The following HMGA2 variants were observed in gnomAD, a reference collection of about 807,000 sequenced individuals.
HMGA2 encodes the protein high mobility group protein HMGI-C.
A neutral mutation model predicts 19.1 loss-of-function variants in HMGA2; 8 were observed. The observed-to-expected ratio is 0.42, with a 90% CI of 0.25 to 0.76. The LOEUF is 0.76. HMGA2 is among the 30% of genes least tolerant of loss of function. The pLI, the probability that HMGA2 is intolerant of heterozygous loss-of-function variation, is 0.28. For synonymous variants in HMGA2, 60 were observed against 48.8 expected, an observed-to-expected ratio of 1.23 and a Z score of -0.96; for missense variants, 109 against 136.3, an observed-to-expected ratio of 0.80 and a Z score of 1.00.
intron 4 of HMGA2, chr12:65,956,097 G>A (rs1876597894): frequency 6.6e-6 from 1 of 152,136 alleles, no homozygotes; most frequent in Non-Finnish European, 1.5e-5. Context: ...TGGTACCTTG[G>A]CCAGTGCAGT....
intron 3 of HMGA2, among the ~76,000 whole-genome samples, chr12:65,849,014 G>T (rs974095112): frequency 9.2e-4 from 140 of 152,324 alleles, no homozygotes; most frequent in African/African-American, 3.0e-3. Context: ...TGTGCATGGA[G>T]GAACATGGAC....
chr12:65,837,470 A>G (rs563651610), intron 2 of HMGA2, among the ~76,000 whole-genome samples: 2 of 152,356 alleles, frequency 1.3e-5, no homozygotes, highest in East Asian at 3.9e-4. Flanking sequence ...TAACTCAGAT[A>G]ACAAAAGTAA....
At chr12:65,949,410 CGTATCCTAAGTGCT>C (rs1178565015) in intron 3 of HMGA2, among the ~76,000 whole-genome samples, 3 of 152,094 alleles carry the variant, frequency 2.0e-5, no homozygotes, top group Admixed American at 2.0e-4. Context: ...GAATAGTGAA[CGTATCCTAAGTGCT>C]GTTATTTGGG....
rs1713608394 is a variant in HMGA2 at position 65,922,898 on chromosome 12, C to G, written c.250-28485C>G. ...GGTTTTTCAGGAGTTTCCGCTTTTG[C>G]CTCTTCCTCATTTTCTCTTGCCACC... On this transcript the variant is annotated intron_variant, in intron 3 of 4. Transcript: ENST00000403681. Among the ~76,000 whole-genome samples, 3 of 152,236 alleles carry G rather than the reference C, an allele frequency of 2.0e-5. No individual in the cohort carries two copies. In the South Asian group the frequency reaches 6.2e-4, roughly 32 times the overall value.
intron 3 of HMGA2, among the ~76,000 whole-genome samples, chr12:65,928,598 AAC>A (rs1875599747): frequency 6.6e-6 from 1 of 152,198 alleles, no homozygotes; most frequent in Non-Finnish European, 1.5e-5. Flanking sequence ...TTAAAACACA[AAC>A]ACATTATGTA....
intron 4 of HMGA2, among the ~76,000 whole-genome samples, chr12:65,962,087 G>A (rs1876767810): frequency 6.6e-6 from 1 of 152,134 alleles, no homozygotes; most frequent in South Asian, 2.1e-4. Context: ...GTTTTAAGCT[G>A]GCCATTCTTA....
At chr12:65,947,939 C>T (rs890944901) in intron 3 of HMGA2, among the ~76,000 whole-genome samples, 3 of 152,034 alleles carry the variant, frequency 2.0e-5, no homozygotes, top group Non-Finnish European at 4.4e-5. Context: ...AAATCAAAGC[C>T]GGGAAGTACA....
intron 2 of HMGA2, 87 bp from the exon 3 acceptor site, chr12:65,838,432 C>T (rs953218578): frequency 3.3e-5 from 32 of 956,714 alleles, no homozygotes; most frequent in African/African-American, 8.4e-5. Flanking sequence ...CAAAGCAGAA[C>T]ATTCTTACTT....
At chr12:65,826,259 C>G (rs1870179782) in intron 1 of HMGA2, 1 of 152,340 alleles carries the variant, frequency 6.6e-6, no homozygotes, top group Non-Finnish European at 1.5e-5. Flanking sequence ...GAGGGGCGCC[C>G]GGGACCCTGC....
intron 3 of HMGA2, among the ~76,000 whole-genome samples, chr12:65,880,908 AAAGTTCCTT>A (rs1873340333): frequency 1.3e-5 from 2 of 152,334 alleles, no homozygotes; most frequent in South Asian, 4.1e-4. Context: ...AAAGATATGA[AAAGTTCCTT>A]GATATGACTG....
chr12:65,925,427 C>T (rs1875472719), intron 3 of HMGA2, among the ~76,000 whole-genome samples: 1 of 152,146 alleles, frequency 6.6e-6, no homozygotes, highest in Non-Finnish European at 1.5e-5. Flanking sequence ...ACCAAGTAAC[C>T]TGACTTGCAG....
chr12:65,914,742 T>C, intron 3 of HMGA2: 1 of 363,878 alleles, frequency 2.7e-6, no homozygotes, highest in Admixed American at 3.8e-5. Context: ...TGGTACAATC[T>C]CGGCTCATTG....
intron 2 of HMGA2, 103 bp from the exon 3 acceptor site, chr12:65,838,416 C>A (rs2120872122): frequency 2.5e-6 from 2 of 814,358 alleles, no homozygotes; most frequent in Non-Finnish European, 4.0e-6. Context: ...ACCGATACGT[C>A]ATCTGCAAAG....
rs74839016 is a variant in HMGA2 at position 65,864,715 on chromosome 12, T to C, written c.249+26146T>C. On this transcript the variant is annotated intron_variant, in intron 3 of 4. Coordinates refer to ENST00000403681, the MANE Select transcript of HMGA2 (RefSeq NM_003483.6). ...TAGTGTTTCCATTTAACACACATAG[T>C]AGCTTTTCTTCTGGATTGTATGTGC... is the stretch of plus-strand genomic sequence containing the variant. 1.9e-3 allele frequency among the ~76,000 whole-genome samples: 294 copies of C among 152,346 alleles called. 2 individuals are homozygous for C. Among genetic ancestry groups the C allele is most frequent in the African/African-American group, 6.9e-3 (289 of 41,588 alleles).
intron 4 of HMGA2, among the ~76,000 whole-genome samples, chr12:65,959,846 G>A (rs1195949161): frequency 1.3e-5 from 2 of 152,110 alleles, no homozygotes; most frequent in Non-Finnish European, 2.9e-5. Flanking sequence ...AACATGTCAA[G>A]GTAAAAGCTA....
Position 65,963,360 on chromosome 12 carries a change from G to C in HMGA2, c.*68G>C. On this transcript the variant is annotated 3_prime_UTR_variant, in exon 5 of 5. Coordinates refer to ENST00000403681, the MANE Select transcript of HMGA2 (RefSeq NM_003483.6). Reference sequence around the variant, plus strand: ...TTTTGAAGGGAGAAGACACTGCAGTGACCACTTATTCTGTATTGCCATGGT... The same window carrying C: ...TTTTGAAGGGAGAAGACACTGCAGTCACCACTTATTCTGTATTGCCATGGT... 1 of 1,092,626 alleles carries C rather than the reference G, an allele frequency of 9.2e-7. No homozygotes were observed. The highest frequency in any genetic ancestry group is 1.3e-6 in the Non-Finnish European group (1 of 774,556). 67.7% of individuals were successfully genotyped at this position (1,092,626 alleles called of 1,614,324 possible).
intron 3 of HMGA2, among the ~76,000 whole-genome samples, chr12:65,875,396 T>C (rs1011383712): frequency 6.6e-6 from 1 of 152,016 alleles, no homozygotes; most frequent in East Asian, 1.9e-4. Context: ...AAATATTTTA[T>C]TCAGATTTTC....
intron 3 of HMGA2, among the ~76,000 whole-genome samples, chr12:65,894,388 G>A (rs1485872212): frequency 6.6e-6 from 1 of 152,138 alleles, no homozygotes; most frequent in East Asian, 1.9e-4. Flanking sequence ...CAAGATTTCA[G>A]AGAACTCTAT....
intron 4 of HMGA2, chr12:65,952,032 T>A (rs577719522): frequency 3.3e-4 from 71 of 214,054 alleles, no homozygotes; most frequent in Admixed American, 3.2e-3. Context: ...GTCCTCACTA[T>A]AATCTGTACA....
Sources: allele counts gnomAD v4.1 joint callset (sites outside exome capture counted in the v4.1 genomes callset), GRCh38; gene constraint gnomAD v4.1.1; transcripts MANE v1.5; gene names NCBI Gene and HGNC (gene_info 2026-07-23, HGNC 2026-07-21).